The following GSTCD variants were observed in gnomAD, a reference collection of about 807,000 sequenced individuals.
GSTCD encodes the protein glutathione S-transferase C-terminal domain containing.
A neutral mutation model predicts 68.3 loss-of-function variants in GSTCD; 44 were observed. The observed-to-expected ratio is 0.64, with a 90% confidence interval of 0.51 to 0.83. GSTCD has a LOEUF of 0.83. Among genes scored for constraint, GSTCD ranks in the 40% least tolerant of loss-of-function variants. The pLI, the probability that GSTCD is intolerant of heterozygous loss-of-function variation, is 0.00. For missense variants in GSTCD, 739 were observed against 735.9 expected (o/e 1.00, Z -0.05); for synonymous variants, 273 against 255.2 (o/e 1.07, Z -0.67).
At chr4:105,748,274 A>G (rs1247410581) in intron 5 of GSTCD, among the ~76,000 whole-genome samples, 1 of 152,066 alleles carries the variant, frequency 6.6e-6, no homozygotes, top group Non-Finnish European at 1.5e-5. Flanking sequence ...AAAAAAAAAT[A>G]CTAAAAGTGT....
At chr4:105,839,968 A>G (rs1724273566) in intron 10 of GSTCD, among the ~76,000 whole-genome samples, 1 of 152,160 alleles carries the variant, frequency 6.6e-6, no homozygotes, top group Admixed American at 6.5e-5. Flanking sequence ...CACCCCCAAA[A>G]GCTGCTTGGC....
intron 10 of GSTCD, among the ~76,000 whole-genome samples, chr4:105,841,293 G>A (rs1236724481): frequency 6.7e-6 from 1 of 150,206 alleles, no homozygotes; most frequent in East Asian, 2.0e-4. Context: ...CACTGCACTG[G>A]AGCCTGGACA....
intron 5 of GSTCD, among the ~76,000 whole-genome samples, chr4:105,753,628 T>G (rs1156391167): frequency 6.6e-6 from 1 of 152,010 alleles, no homozygotes; most frequent in Non-Finnish European, 1.5e-5. Flanking sequence ...GTGCATAGAT[T>G]ATGTACAAAT....
rs1300748893 is a variant in GSTCD at position 105,717,733 on chromosome 4, C to T, written c.120C>T (p.Tyr40=). The stretch of plus-strand genomic sequence containing the variant: ...CTGTAACTTTATTTCTGTTATCTTA[C>T]TGTGACTGTAAAATCTTTAAAATTT... ...HTSVTLFLLS[Y]CDCKIFKICL... Residue 40 remains tyrosine (Y), a synonymous_variant, in exon 2 of 12, where the codon TAC becomes TAT. Coordinates refer to ENST00000515279, the MANE Select transcript of GSTCD (RefSeq NM_001370181.1). 6.2e-7 allele frequency: 1 copy of T among 1,613,708 alleles called. No homozygotes were observed. The highest frequency in any genetic ancestry group is 1.3e-5 in the African/African-American group (1 of 75,064).
intron 1 of GSTCD, among the ~76,000 whole-genome samples, chr4:105,716,881 T>A (rs559698370): frequency 6.6e-6 from 1 of 152,222 alleles, no homozygotes; most frequent in East Asian, 1.9e-4. Flanking sequence ...GCAGAAACTT[T>A]GGCTTTTCTC....
chr4:105,797,760 C>CTTTTTTTTTTTTTTTTTTT (rs70941218), intron 5 of GSTCD, among the ~76,000 whole-genome samples: 2 of 84,952 alleles, frequency 2.4e-5, no homozygotes, highest in African/African-American at 9.5e-5. Flanking sequence ...CACAATAGAA[C>CTTTTTTTTTTTTTTTTTTT]TTTTTTTTTT....
intron 5 of GSTCD, among the ~76,000 whole-genome samples, chr4:105,731,525 CTCTG>C (rs1335653461): frequency 6.7e-6 from 1 of 150,174 alleles, no homozygotes; most frequent in Non-Finnish European, 1.5e-5. Flanking sequence ...TAATTTGGCT[CTCTG>C]TCTGTTATTG....
At position 105,846,802 on chromosome 4, in the gene GSTCD, C is replaced by T. The variant is rs1222820043; in HGVS notation, c.*1225C>T. ...TCCCGAGTAGCTAGGATTATAGGCACCTGCCACCATGCCCGGCTAATTTTG... is the reference window on the plus strand; with the variant it reads ...TCCCGAGTAGCTAGGATTATAGGCATCTGCCACCATGCCCGGCTAATTTTG... On this transcript the variant is annotated 3_prime_UTR_variant, in exon 12 of 12. Coordinates refer to ENST00000515279, the MANE Select transcript of GSTCD (RefSeq NM_001370181.1). 2 of 151,448 alleles carry T rather than the reference C, an allele frequency of 1.3e-5. No homozygotes were observed. The highest frequency in any genetic ancestry group is 2.9e-5 in the Non-Finnish European group (2 of 67,932). 9.4% of individuals were successfully genotyped at this position (151,448 alleles called of 1,614,324 possible).
At chr4:105,837,930 T>G (rs552093891) in intron 10 of GSTCD, 41 bp downstream of exon 10, 4 of 804,458 alleles carry the variant, frequency 5.0e-6, no homozygotes, top group Non-Finnish European at 7.7e-6. Flanking sequence ...AATACACTTT[T>G]TATCCTTTAT....
At chr4:105,811,984 C>A (rs760666996) in intron 5 of GSTCD, among the ~76,000 whole-genome samples, 2 of 152,150 alleles carry the variant, frequency 1.3e-5, no homozygotes, top group Non-Finnish European at 2.9e-5. Context: ...GGCTTGAAGT[C>A]TCTGGATGGC....
At chr4:105,718,185 T>G in intron 2 of GSTCD, 146 bp downstream of exon 2, 1 of 655,594 alleles carries the variant, frequency 1.5e-6, no homozygotes, top group East Asian at 2.8e-5. Flanking sequence ...AGTAGCCCTT[T>G]GATATAGTTT....
intron 5 of GSTCD, among the ~76,000 whole-genome samples, chr4:105,733,096 C>G (rs1349069970): frequency 1.3e-5 from 2 of 152,140 alleles, no homozygotes; most frequent in African/African-American, 4.8e-5. Context: ...CTGAGGAGTG[C>G]TTTACTTCCA....
intron 7 of GSTCD, chr4:105,823,780 T>C (rs917340296): frequency 1.3e-5 from 2 of 152,194 alleles, no homozygotes; most frequent in African/African-American, 4.8e-5. Context: ...ATAGGGATGC[T>C]AATTGTTGCA....
Position 105,841,999 on chromosome 4 carries a change from G to A in GSTCD, c.1696-66G>A, listed in dbSNP as rs191873354. On this transcript the variant is annotated intron_variant, in intron 10 of 11. Transcript: ENST00000515279. Reference sequence around the variant, plus strand: ...AGAAAAATGAGGTAGTTTTTTTGGTGGTTGTTTTTATAACTTTGAAGCAGA... The same window carrying A: ...AGAAAAATGAGGTAGTTTTTTTGGTAGTTGTTTTTATAACTTTGAAGCAGA... 3.8e-4 allele frequency: 460 copies of A among 1,203,352 alleles called. 2 individuals are homozygous for A. Among genetic ancestry groups the A allele is most frequent in the Non-Finnish European group, 5.4e-4 (441 of 814,442 alleles). 74.5% of individuals were successfully genotyped at this position (1,203,352 alleles called of 1,614,324 possible).
chr4:105,815,323 G>C (rs1263923674), intron 5 of GSTCD: 2 of 152,096 alleles, frequency 1.3e-5, no homozygotes, highest in Non-Finnish European at 2.9e-5. Context: ...TGCCAGAAAA[G>C]AGCACCATGT....
chr4:105,727,461 G>C (rs1037114596), intron 4 of GSTCD, among the ~76,000 whole-genome samples: 41 of 151,088 alleles, frequency 2.7e-4, no homozygotes, highest in African/African-American at 1.0e-3. Context: ...GAGGGCGGAG[G>C]TTTCAGTGGG....
intron 5 of GSTCD, among the ~76,000 whole-genome samples, chr4:105,751,701 T>C (rs964547696): frequency 1.2e-4 from 18 of 151,092 alleles, no homozygotes; most frequent in African/African-American, 4.4e-4. Flanking sequence ...ATCTTGAGGA[T>C]GTTATGGTGT....
chr4:105,845,604 G>T lies in GSTCD; in HGVS notation c.*27G>T, dbSNP rs1361114135. On this transcript the variant is annotated 3_prime_UTR_variant, in exon 12 of 12. Transcript: ENST00000515279. ...ATGAGATATTCACATTTGATATTTT[G>T]CCATCCGTCTTCACGTTGGATGCCC... 1.2e-6 allele frequency: 2 copies of T among 1,612,594 alleles called. No individual in the cohort carries two copies. The highest frequency in any genetic ancestry group is 1.1e-5 in the South Asian group (1 of 91,016).
At chr4:105,772,738 G>A (rs1734903076) in intron 5 of GSTCD, among the ~76,000 whole-genome samples, 1 of 152,170 alleles carries the variant, frequency 6.6e-6, no homozygotes, top group Admixed American at 6.5e-5. Context: ...GCTTTTTGAT[G>A]TGCTACTGGA....
Sources: allele counts gnomAD v4.1 joint callset (sites outside exome capture counted in the v4.1 genomes callset), GRCh38; gene constraint gnomAD v4.1.1; transcripts MANE v1.5; gene names NCBI Gene and HGNC (gene_info 2026-07-23, HGNC 2026-07-21).